The following PATL1 variants were observed in gnomAD, a reference collection of about 807,000 sequenced individuals.
PATL1 encodes the protein protein PAT1 homolog 1.
Under a neutral mutation model 100.6 loss-of-function variants are expected in PATL1, and 32 were observed. The observed-to-expected ratio is 0.32, with a 90% CI of 0.24 to 0.43. The LOEUF (loss-of-function observed/expected upper bound fraction) is 0.43, where lower values mean the gene tolerates loss of function less well. Among genes scored for constraint, PATL1 ranks in the 20% least tolerant of loss-of-function variants. The probability of loss-of-function intolerance (pLI) is 1.00; values close to 1 mark genes in which losing one functional copy is unlikely to be tolerated. For synonymous variants in PATL1, 332 were observed against 330.0 expected (o/e 1.01, Z -0.07); for missense variants, 747 against 949.9 (o/e 0.79, Z 2.81).
chr11:59,660,920 T>C (rs1861617070), intron 2 of PATL1, among the ~76,000 whole-genome samples: 1 of 152,182 alleles, frequency 6.6e-6, no homozygotes. Context: ...GCATCATTTT[T>C]TCTGTTTTGG....
intron 6 of PATL1, 80 bp from the exon 7 acceptor site, chr11:59,656,125 G>A: frequency 1.2e-6 from 1 of 834,310 alleles, no homozygotes; most frequent in South Asian, 2.4e-5. Context: ...CAGCAGAAAT[G>A]CAGTATAAAC....
chr11:59,647,841 AG>A lies in PATL1; in HGVS notation c.1805del (p.Pro602LeufsTer13). On this transcript the variant is annotated frameshift_variant, in exon 15 of 19. Transcript: ENST00000300146. LOFTEE classifies it high-confidence loss of function. Reference protein sequence around the residue: ...KGKRMVARILPFLSTEQAADI... With the variant: ...KGKRMVARILXFLSTEQAADI... ...CAGCTGCTTGCTCTGTGGAGAGGAA[AG>A]GAAGAATACGGGCAACCATTCTCTT... is the stretch of plus-strand genomic sequence containing the variant. 1.2e-6 allele frequency: 2 copies of A among 1,613,930 alleles called. No individual in the cohort carries two copies. Among genetic ancestry groups the A allele is most frequent in the Non-Finnish European group, 8.5e-7 (1 of 1,179,832 alleles).
intron 15 of PATL1, among the ~76,000 whole-genome samples, chr11:59,645,845 T>C (rs1186899646): frequency 6.6e-6 from 1 of 152,174 alleles, no homozygotes; most frequent in African/African-American, 2.4e-5. Context: ...GCACTAGATA[T>C]TCCAGGATAT....
Position 59,659,387 on chromosome 11 carries a change from A to G in PATL1, c.210T>C (p.Asn70=), listed in dbSNP as rs763629973. The change falls in exon 3 of 19, where the codon AAT becomes AAC. Residue 70 remains asparagine (N), a synonymous_variant. Coordinates refer to ENST00000300146, the MANE Select transcript of PATL1 (RefSeq NM_152716.3). ...LPVAVNEQTG[N]GERDEMDLLG... ...ACAAGTCCATTTCATCTCTCTCTCCATTGCCTGTTTGTTCATTAACTGCCA... is the reference window on the plus strand; with the variant it reads ...ACAAGTCCATTTCATCTCTCTCTCCGTTGCCTGTTTGTTCATTAACTGCCA... 2.8e-5 allele frequency: 44 copies of G among 1,551,108 alleles called. No individual in the cohort carries two copies. The East Asian group carries it at 5.4e-4, about 19-fold the overall frequency.
intron 2 of PATL1, among the ~76,000 whole-genome samples, chr11:59,661,143 T>C (rs952410091): frequency 6.6e-6 from 1 of 152,168 alleles, no homozygotes; most frequent in African/African-American, 2.4e-5. Context: ...TGGAGTGCAA[T>C]GGCGTGATCT....
intron 2 of PATL1, among the ~76,000 whole-genome samples, chr11:59,664,359 G>A (rs1861661494): frequency 6.6e-6 from 1 of 152,152 alleles, no homozygotes; most frequent in South Asian, 2.1e-4. Context: ...AAGTCAATGA[G>A]AAGGTATGAC....
At chr11:59,641,710 G>C (rs1861283105) in intron 16 of PATL1, among the ~76,000 whole-genome samples, 1 of 151,914 alleles carries the variant, frequency 6.6e-6, no homozygotes, top group South Asian at 2.1e-4. Flanking sequence ...CCGAGATCTT[G>C]CCACTGCACT....
chr11:59,645,117 G>A (rs1287400001), intron 15 of PATL1, among the ~76,000 whole-genome samples: 1 of 138,936 alleles, frequency 7.2e-6, no homozygotes, highest in Non-Finnish European at 1.5e-5. Context: ...AGATCAACAG[G>A]ATCCCAAGGC....
In PATL1 at chr11:59,668,692, G is replaced by C. The variant is rs546741780; in HGVS notation, c.15+189C>G. ...CAGCGGCAACTAATGGGACTGTCTC[G>C]ACCCATGAAGCCAGCTCCCAGCCCT... On this transcript the variant is annotated intron_variant, in intron 1 of 18. Transcript: ENST00000300146. Among the ~76,000 whole-genome samples the C allele has an allele frequency of 2.0e-5, 3 of 152,152 alleles. No individual in the cohort carries two copies. The South Asian group carries it at 6.2e-4, about 32-fold the overall frequency.
chr11:59,641,074 C>T (rs1359754574), intron 16 of PATL1, among the ~76,000 whole-genome samples: 3 of 151,646 alleles, frequency 2.0e-5, no homozygotes, highest in African/African-American at 7.3e-5. Context: ...TGGGGGCTGA[C>T]GCAGGAGAAC....
intron 11 of PATL1, 24 bp from the exon 12 acceptor site, chr11:59,651,665 A>C (rs1565132905): frequency 7.0e-7 from 1 of 1,432,084 alleles, no homozygotes; most frequent in Non-Finnish European, 9.7e-7. Context: ...AAAAAAAAAA[A>C]TTCCAACAAA....
chr11:59,647,987 TTACTGAATGAATA>T, intron 14 of PATL1, 74 bp from the exon 15 acceptor site: 1 of 1,350,112 alleles, frequency 7.4e-7, no homozygotes, highest in East Asian at 2.3e-5. Flanking sequence ...CTCTTAGATG[TTACTGAATGAATA>T]TACTGCATTC....
At chr11:59,653,847 T>C (rs1861482839) in intron 9 of PATL1, 136 bp downstream of exon 9, 1 of 678,788 alleles carries the variant, frequency 1.5e-6, no homozygotes, top group East Asian at 2.7e-5. Flanking sequence ...CATATTTACA[T>C]GTTGATAATA....
intron 8 of PATL1, 29 bp from the exon 9 acceptor site, chr11:59,654,101 T>C (rs1433783233): frequency 6.4e-7 from 1 of 1,571,618 alleles, no homozygotes; most frequent in South Asian, 1.1e-5. Flanking sequence ...AGGTTCTCAG[T>C]TTGGTCATCC....
Position 59,652,923 on chromosome 11 carries a change from A to C in PATL1, c.1217T>G (p.Leu406Trp), listed in dbSNP as rs1189875695. 6.2e-7 allele frequency: 1 copy of C among 1,614,036 alleles called. No homozygotes were observed. Among genetic ancestry groups the C allele is most frequent in the African/African-American group, 1.3e-5 (1 of 75,072 alleles). Reference protein sequence around the residue: ...LRKDPYANLMLQREKDWVSKI... With the variant: ...LRKDPYANLMWQREKDWVSKI... ...AGAGACCCAATCCTTTTCCCGCTGCAACATGAGATTGGCATATGGATCCTT... is the reference window on the plus strand; with the variant it reads ...AGAGACCCAATCCTTTTCCCGCTGCCACATGAGATTGGCATATGGATCCTT... The change falls in exon 10 of 19, where the codon TTG becomes TGG. Residue 406 changes from leucine (L) to tryptophan (W), a missense_variant. Around this residue, in one of 4 missense-constraint regions of PATL1, gnomAD observed 434 missense variants for 596.1 expected, o/e 0.73. Transcript: ENST00000300146.
chr11:59,648,952 A>G (rs76626512), intron 14 of PATL1, among the ~76,000 whole-genome samples: 5,683 of 152,334 alleles, frequency 0.037, 145 homozygotes, highest in Non-Finnish European at 0.043. Flanking sequence ...TTCAGGATTT[A>G]CAGAACATTT....
intron 4 of PATL1, 117 bp downstream of exon 4, chr11:59,658,749 C>A (rs900689469): frequency 1.4e-6 from 1 of 737,228 alleles, no homozygotes; most frequent in South Asian, 1.9e-5. Flanking sequence ...ATGCAGTAGT[C>A]GACATAATTC....
chr11:59,650,482 CCAGA>C (rs1861425624), intron 13 of PATL1, among the ~76,000 whole-genome samples: 1 of 152,160 alleles, frequency 6.6e-6, no homozygotes, highest in Non-Finnish European at 1.5e-5. Context: ...GGTGACTTGC[CCAGA>C]CACTCAGCTG....
chr11:59,641,531 T>C lies in PATL1; in HGVS notation c.2049+1349A>G, dbSNP rs571275460. ...ACTTTGGGAGGTCGAGGCAGGCTGA[T>C]AGCTTGAGCTCAGGAGTTTGAGACC... On this transcript the variant is annotated intron_variant, in intron 16 of 18. Transcript: ENST00000300146. Among the ~76,000 whole-genome samples the C allele has an allele frequency of 5.9e-5, 9 of 152,238 alleles. No homozygotes were observed. The South Asian group carries it at 1.5e-3, about 25-fold the overall frequency.
Sources: allele counts gnomAD v4.1 joint callset (sites outside exome capture counted in the v4.1 genomes callset), GRCh38; gene constraint gnomAD v4.1.1; regional missense constraint gnomAD v4.1.1; transcripts MANE v1.5; gene names NCBI Gene and HGNC (gene_info 2026-07-23, HGNC 2026-07-21).